Variants in RBM6 observed in about 807,000 individuals in gnomAD.
RBM6 encodes RNA-binding protein 6.
A neutral mutation model predicts 140.4 loss-of-function variants in RBM6; 23 were observed. The ratio of observed to expected loss-of-function variants is 0.16; its 90% confidence interval spans 0.12 to 0.23. The LOEUF (loss-of-function observed/expected upper bound fraction) is 0.23, where lower values mean the gene tolerates loss of function less well. RBM6 is among the 10% of genes least tolerant of loss of function. The pLI, the probability that RBM6 is intolerant of heterozygous loss-of-function variation, is 1.00. For synonymous variants in RBM6, 439 were observed against 475.6 expected (o/e 0.92, Z 1.00); for missense variants, 1,139 against 1,386.7 (o/e 0.82, Z 2.84).
intron 1 of RBM6, among the ~76,000 whole-genome samples, chr3:49,956,597 G>C (rs571276491): frequency 1.2e-3 from 184 of 151,442 alleles, no homozygotes; most frequent in African/African-American, 4.3e-3. Flanking sequence ...TTCCCAAAGT[G>C]CTGGGATTAT....
chr3:50,059,467 C>T (rs1265329396), intron 10 of RBM6, 182 bp from the exon 11 acceptor site: 2 of 503,352 alleles, frequency 4.0e-6, no homozygotes, highest in Non-Finnish European at 7.0e-6. Context: ...ATCAGTCCTT[C>T]ATTAAAAGTT....
intron 6 of RBM6, among the ~76,000 whole-genome samples, chr3:50,034,194 G>A (rs1335512552): frequency 1.3e-5 from 2 of 150,450 alleles, no homozygotes; most frequent in African/African-American, 4.9e-5. Flanking sequence ...ATGTTAGCCA[G>A]GCTGGTCTGG....
intron 8 of RBM6, among the ~76,000 whole-genome samples, chr3:50,056,646 A>G (rs1001913079): frequency 5.3e-5 from 8 of 152,350 alleles, no homozygotes; most frequent in African/African-American, 1.9e-4. Context: ...AAGATGAGAC[A>G]GCTTTAATCT....
intron 6 of RBM6, among the ~76,000 whole-genome samples, chr3:50,018,174 C>T (rs948860249): frequency 6.6e-6 from 1 of 152,154 alleles, no homozygotes; most frequent in Admixed American, 6.6e-5. Flanking sequence ...TTTTCTCCAC[C>T]TGTTTGTTCT....
intron 19 of RBM6, among the ~76,000 whole-genome samples, chr3:50,072,102 AAAAG>A (rs935784178): frequency 2.0e-5 from 3 of 147,108 alleles, no homozygotes; most frequent in Non-Finnish European, 4.5e-5. Context: ...AAAAAAAAAA[AAAAG>A]AAAAGGAAAG....
intron 8 of RBM6, 119 bp from the exon 9 acceptor site, chr3:50,057,609 A>AAT: frequency 2.9e-5 from 15 of 517,132 alleles, no homozygotes; most frequent in Non-Finnish European, 4.7e-5. Context: ...AAAAAAAAAA[A>AAT]GGCATTCCAG....
chr3:50,038,434 A>G (rs1575771804), intron 6 of RBM6, among the ~76,000 whole-genome samples: 1 of 152,216 alleles, frequency 6.6e-6, no homozygotes. Flanking sequence ...GACCTATTCA[A>G]TGAAGCATGC....
chr3:49,996,975 C>T (rs188763563), intron 5 of RBM6, among the ~76,000 whole-genome samples: 1 of 152,178 alleles, frequency 6.6e-6, no homozygotes, highest in East Asian at 1.9e-4. Flanking sequence ...TTCTACATGG[C>T]TAAAATCAGG....
chr3:49,951,997 AG>A (rs1265494214), intron 1 of RBM6, among the ~76,000 whole-genome samples: 4 of 151,694 alleles, frequency 2.6e-5, no homozygotes, highest in African/African-American at 9.7e-5. Flanking sequence ...CTGGGATTAT[AG>A]GTGTGAGCCC....
At chr3:50,067,704 A>G (rs1367275852) in intron 17 of RBM6, among the ~76,000 whole-genome samples, 2 of 152,222 alleles carry the variant, frequency 1.3e-5, no homozygotes, top group African/African-American at 4.8e-5. Flanking sequence ...GATCCAAATT[A>G]TGGACAAATA....
chr3:50,053,700 T>G (rs1198638179), intron 7 of RBM6, among the ~76,000 whole-genome samples: 1 of 152,234 alleles, frequency 6.6e-6, no homozygotes, highest in Non-Finnish European at 1.5e-5. Flanking sequence ...CCCATGGCAT[T>G]TGGAAGCTCA....
chr3:50,041,476 A>T (rs1211367914), intron 6 of RBM6, among the ~76,000 whole-genome samples: 1 of 152,206 alleles, frequency 6.6e-6, no homozygotes, highest in Non-Finnish European at 1.5e-5. Flanking sequence ...GGGTTTTAAA[A>T]AATATTTGAA....
At chr3:49,957,165 A>G (rs2084030373) in intron 1 of RBM6, among the ~76,000 whole-genome samples, 2 of 151,724 alleles carry the variant, frequency 1.3e-5, no homozygotes, top group Non-Finnish European at 2.9e-5. Flanking sequence ...TAAATTTTTC[A>G]TAGAGATGGG....
At chr3:50,060,810 G>T (rs1575845531) in intron 11 of RBM6, 146 bp from the exon 12 acceptor site, 2 of 585,626 alleles carry the variant, frequency 3.4e-6, no homozygotes, top group East Asian at 6.1e-5. Context: ...GGAGTGTCTG[G>T]ACCACCCAAC....
At chr3:49,955,854 C>T (rs1348204689) in intron 1 of RBM6, among the ~76,000 whole-genome samples, 1 of 136,884 alleles carries the variant, frequency 7.3e-6, no homozygotes, top group East Asian at 2.0e-4. Flanking sequence ...GTCTCTCTCT[C>T]TCTCTCTGTG....
chr3:50,043,208 G>A (rs148903598), intron 6 of RBM6, among the ~76,000 whole-genome samples: 78 of 152,244 alleles, frequency 5.1e-4, no homozygotes, highest in Non-Finnish European at 9.6e-4. Flanking sequence ...TCTTAGCCGG[G>A]TGCAGTGGCT....
At chr3:49,987,062 G>A (rs1410463941) in intron 5 of RBM6, among the ~76,000 whole-genome samples, 1 of 151,808 alleles carries the variant, frequency 6.6e-6, no homozygotes, top group African/African-American at 2.4e-5. Context: ...GTGATTACAG[G>A]TGTGAGCCTT....
chr3:50,058,488 A>G lies in RBM6; in HGVS notation c.2056A>G (p.Asn686Asp), dbSNP rs1209810534. Residue 686 changes from asparagine to aspartate, a missense_variant, in exon 10 of 21, where the codon AAC becomes GAC. By Grantham distance (23) the Asn-to-Asp change is conservative. Around this residue, in one of 9 missense-constraint regions of RBM6, gnomAD observed 47 missense variants for 117.6 expected, o/e 0.40. Transcript: ENST00000266022. ...GCCCTATGTCCGCCTTACTACTGCC[A>G]ACGTCCGTATCATCAAGAACAGAAC... ...LEPYVRLTTA[N>D]VRIIKNRTGP... 2 of 1,606,886 alleles carry G rather than the reference A, an allele frequency of 1.2e-6. No homozygotes were observed. The highest frequency in any genetic ancestry group is 2.2e-5 in the East Asian group (1 of 44,858).
intron 6 of RBM6, among the ~76,000 whole-genome samples, chr3:50,010,037 C>T (rs2086769607): frequency 6.6e-6 from 1 of 151,984 alleles, no homozygotes; most frequent in African/African-American, 2.4e-5. Flanking sequence ...TACAGGCACA[C>T]CACCACACCT....
Sources: allele counts gnomAD v4.1 joint callset (sites outside exome capture counted in the v4.1 genomes callset), GRCh38; gene constraint gnomAD v4.1.1; regional missense constraint gnomAD v4.1.1; transcripts MANE v1.5; gene names NCBI Gene and HGNC (gene_info 2026-07-23, HGNC 2026-07-21).